SS18: variants seen among roughly 807,000 people sequenced by gnomAD.
SS18 encodes the protein protein SSXT.
In SS18, 28 loss-of-function variants were observed where a neutral mutation model predicts 72.5. That is an observed-to-expected ratio of 0.39 (90% CI 0.29 to 0.53). The LOEUF (loss-of-function observed/expected upper bound fraction) is 0.53. Among genes scored for constraint, SS18 ranks in the 20% least tolerant of loss-of-function variants. The probability of loss-of-function intolerance (pLI) is 0.76; values close to 1 mark genes in which losing one functional copy is unlikely to be tolerated. For missense variants in SS18, 518 were observed against 535.3 expected, an observed-to-expected ratio of 0.97 and a Z score of 0.32; for synonymous variants, 172 against 164.2, an observed-to-expected ratio of 1.05 and a Z score of -0.37.
chr18:26,056,996 G>A (rs45609738), intron 4 of SS18, among the ~76,000 whole-genome samples: 3,024 of 152,236 alleles, frequency 0.02, 88 homozygotes, highest in African/African-American at 0.069. Context: ...ATGGCTCAGT[G>A]TATAAATAAT....
intron 9 of SS18, among the ~76,000 whole-genome samples, chr18:26,033,799 T>C (rs531914854): frequency 6.6e-6 from 1 of 152,240 alleles, no homozygotes; most frequent in East Asian, 1.9e-4. Flanking sequence ...CATTTAACTA[T>C]AATACTTCAA....
At chr18:26,024,480 T>C (rs1019742881) in intron 10 of SS18, among the ~76,000 whole-genome samples, 7 of 152,152 alleles carry the variant, frequency 4.6e-5, no homozygotes. Context: ...CATGCCATCA[T>C]GCCTGGCTAG....
At chr18:26,043,606 G>C (rs181152387) in intron 5 of SS18, among the ~76,000 whole-genome samples, 1 of 152,196 alleles carries the variant, frequency 6.6e-6, no homozygotes, top group East Asian at 1.9e-4. Context: ...TGCTTAAAAA[G>C]AATAGGATTC....
At chr18:26,046,316 C>G (rs1420985403) in intron 5 of SS18, among the ~76,000 whole-genome samples, 1 of 143,412 alleles carries the variant, frequency 7.0e-6, no homozygotes, top group Non-Finnish European at 1.5e-5. Flanking sequence ...TTCCCTTCTC[C>G]TAATGGTATA....
chr18:26,038,582 C>A lies in SS18; in HGVS notation c.853G>T (p.Gly285Cys). The A allele has an allele frequency of 6.2e-7, 1 of 1,613,462 alleles. No individual in the cohort carries two copies. Among genetic ancestry groups the A allele is most frequent in the Non-Finnish European group, 8.5e-7 (1 of 1,179,560 alleles). ...TCAGGGTAATATTGCTGGTTCATGC[C>A]TTCTGGAGGACCTTGTCCACCATGA... The part of the protein sequence containing the change: ...YSHGGQGPPE[G>C]MNQQYYPDGH... The change falls in exon 7 of 11, where the codon GGC (glycine) becomes TGC (cysteine). Residue 285 changes from glycine (G) to cysteine (C), a missense_variant. Gly to Cys is a radical substitution (Grantham distance 159). Transcript: ENST00000415083.
At chr18:26,032,953 C>A (rs1216578158) in intron 9 of SS18, among the ~76,000 whole-genome samples, 1 of 152,086 alleles carries the variant, frequency 6.6e-6, no homozygotes, top group South Asian at 2.1e-4. Context: ...GAGGAATAAA[C>A]GATATTTACA....
At chr18:26,085,358 C>T (rs73403590) in intron 2 of SS18, among the ~76,000 whole-genome samples, 2,448 of 152,208 alleles carry the variant, frequency 0.016, 50 homozygotes, top group African/African-American at 0.055. Flanking sequence ...CTTTAAGACA[C>T]CACTTTTCAG....
chr18:26,027,315 C>T (rs1405652047), intron 10 of SS18, among the ~76,000 whole-genome samples: 2 of 151,984 alleles, frequency 1.3e-5, no homozygotes, highest in Non-Finnish European at 2.9e-5. Context: ...TTATGGACAA[C>T]TGATTTTTTG....
intron 5 of SS18, among the ~76,000 whole-genome samples, chr18:26,051,997 A>G (rs977244045): frequency 1.3e-5 from 2 of 152,232 alleles, no homozygotes; most frequent in African/African-American, 4.8e-5. Flanking sequence ...CTGAAATAGC[A>G]TTAACCTGGA....
At position 26,038,668 on chromosome 18, in the gene SS18, C is replaced by T; in HGVS notation, c.776-9G>A. ...GTACTGCTGTGGTGGGCCTGAAAAA[C>T]CACAACCAGTCAAGATATAAATAAT... On this transcript the variant is annotated splice_polypyrimidine_tract_variant and intron_variant, in intron 6 of 10. Coordinates refer to ENST00000415083, the MANE Select transcript of SS18 (RefSeq NM_001007559.3). 1 of 1,606,702 alleles carries T rather than the reference C, an allele frequency of 6.2e-7. No individual in the cohort carries two copies. Among genetic ancestry groups the T allele is most frequent in the Non-Finnish European group, 8.5e-7 (1 of 1,173,560 alleles).
chr18:26,082,066 A>G (rs190961895), intron 2 of SS18, among the ~76,000 whole-genome samples: 1 of 152,280 alleles, frequency 6.6e-6, no homozygotes, highest in East Asian at 1.9e-4. Flanking sequence ...CTTGAAAAAC[A>G]AAACAAAAAA....
rs9964047 is a variant in SS18, at chr18:26,039,633, G to C, written c.608-177C>G. On this transcript the variant is annotated intron_variant, in intron 5 of 10. Transcript: ENST00000415083. ...TTAAAATTCACATGCCTAAAATAAT[G>C]TGCAAACAAAAGAAAATAACCAATC... Among the ~76,000 whole-genome samples, 20,928 of 152,076 alleles carry C rather than the reference G, an allele frequency of 0.14. 2,690 individuals carry two copies. Among genetic ancestry groups the C allele is most frequent in the African/African-American group, 0.34 (14,294 of 41,456 alleles).
Position 26,039,363 on chromosome 18 carries a change from A to G in SS18, c.701T>C (p.Met234Thr), listed in dbSNP as rs185672716. 9 of 1,613,888 alleles carry G rather than the reference A, an allele frequency of 5.6e-6. No homozygotes were observed. The Admixed American group carries it at 1.2e-4, about 21-fold the overall frequency. Residue 234 changes from methionine to threonine, a missense_variant, in exon 6 of 11, where the codon ATG becomes ACG. Transcript: ENST00000415083. ...ATTGCCTTGGTTAACTTGACCCATC[A>G]TTCCCATAGGTGGCTGCTGTCCTTG... is the stretch of plus-strand genomic sequence containing the variant. Reference protein sequence around the residue: ...HYQGQQPPMGMMGQVNQGNHM... With the variant: ...HYQGQQPPMGTMGQVNQGNHM...
intron 1 of SS18, 149 bp downstream of exon 1, chr18:26,090,352 G>T: frequency 1.3e-6 from 1 of 751,382 alleles, no homozygotes; most frequent in Non-Finnish European, 2.2e-6. Context: ...CTCAGGCACA[G>T]CCAGCAGTCC....
intron 3 of SS18, among the ~76,000 whole-genome samples, chr18:26,061,152 A>C (rs2054117786): frequency 6.6e-6 from 1 of 152,144 alleles, no homozygotes; most frequent in Admixed American, 6.5e-5. Flanking sequence ...TCTCTACTAA[A>C]AATACAAAAA....
chr18:26,052,492 T>C, intron 5 of SS18, 132 bp downstream of exon 5: 1 of 685,036 alleles, frequency 1.5e-6, no homozygotes. Flanking sequence ...CAACATCTCC[T>C]TTTTATGGGC....
intron 2 of SS18, chr18:26,082,424 C>G (rs2054541823): frequency 1.0e-6 from 1 of 973,818 alleles, no homozygotes; most frequent in South Asian, 4.8e-5. Flanking sequence ...AAGTTATCTT[C>G]CAAACTACAG....
At chr18:26,061,767 A>C (rs1299356173) in intron 3 of SS18, among the ~76,000 whole-genome samples, 1 of 152,246 alleles carries the variant, frequency 6.6e-6, no homozygotes, top group Non-Finnish European at 1.5e-5. Flanking sequence ...AAAGTTAAGA[A>C]AACACTTGTT....
In SS18 at chr18:26,057,616, G is replaced by C; in HGVS notation, c.358C>G (p.Gln120Glu). The change falls in exon 4 of 11, where the codon CAG (glutamine) becomes GAG (glutamate). Residue 120 changes from glutamine (Q) to glutamate (E), a missense_variant. Transcript: ENST00000415083. ...GGCATCTGGCCGTTCATCTGGTTCTGCATGTGCGGTGCAGGAGGACCCCCA... is the reference window on the plus strand; with the variant it reads ...GGCATCTGGCCGTTCATCTGGTTCTCCATGTGCGGTGCAGGAGGACCCCCA... ...VGGGPPAPHM[Q>E]NQMNGQMPGP... is the part of the protein sequence containing the mutation. The C allele has an allele frequency of 1.2e-6, 2 of 1,614,126 alleles. No individual in the cohort carries two copies. Among genetic ancestry groups the C allele is most frequent in the Non-Finnish European group, 1.7e-6 (2 of 1,180,010 alleles).
Sources: allele counts gnomAD v4.1 joint callset (sites outside exome capture counted in the v4.1 genomes callset), GRCh38; gene constraint gnomAD v4.1.1; transcripts MANE v1.5; gene names NCBI Gene and HGNC (gene_info 2026-07-23, HGNC 2026-07-21).